Variants in AFF1 observed in about 807,000 individuals in gnomAD.
AFF1 encodes ALF transcription elongation factor 1.
In AFF1, 48 loss-of-function variants were observed where a neutral mutation model predicts 121.7. The ratio of observed to expected loss-of-function variants is 0.39; its 90% confidence interval spans 0.31 to 0.50. The LOEUF (loss-of-function observed/expected upper bound fraction) is 0.50, where lower values mean the gene tolerates loss of function less well. Ranked by LOEUF, AFF1 falls within the 20% of genes least tolerant of loss-of-function variation. The pLI is 0.76. For synonymous variants in AFF1, 613 were observed against 563.0 expected, an observed-to-expected ratio of 1.09 and a Z score of -1.26; for missense variants, 1,523 against 1,511.7, an observed-to-expected ratio of 1.01 and a Z score of -0.12.
At chr4:87,117,867 G>A (rs952499493) in intron 12 of AFF1, among the ~76,000 whole-genome samples, 11 of 151,988 alleles carry the variant, frequency 7.2e-5, no homozygotes, top group Admixed American at 4.6e-4. Context: ...CCTCATTAGC[G>A]CCCTGACTGC....
chr4:87,132,177 A>G, intron 18 of AFF1, 94 bp from the exon 19 acceptor site: 3 of 1,461,100 alleles, frequency 2.1e-6, no homozygotes, highest in Non-Finnish European at 2.8e-6. Flanking sequence ...AGGTGAGGCA[A>G]ACCCGGTGTG....
chr4:87,067,026 T>C (rs1164726662), intron 4 of AFF1, among the ~76,000 whole-genome samples: 1 of 152,220 alleles, frequency 6.6e-6, no homozygotes, highest in Non-Finnish European at 1.5e-5. Flanking sequence ...GATTGTACTA[T>C]ACAATTATTA....
At chr4:87,014,383 T>C (rs1052460737) in intron 2 of AFF1, among the ~76,000 whole-genome samples, 1 of 152,340 alleles carries the variant, frequency 6.6e-6, no homozygotes, top group East Asian at 1.9e-4. Flanking sequence ...GTCCAAACTT[T>C]GTGAAACCGA....
chr4:87,100,067 GC>G (rs1337348565), intron 8 of AFF1, among the ~76,000 whole-genome samples: 1 of 152,138 alleles, frequency 6.6e-6, no homozygotes, highest in Non-Finnish European at 1.5e-5. Flanking sequence ...GATTTGGGGA[GC>G]CCTTAAGGGT....
intron 18 of AFF1, 63 bp downstream of exon 18, chr4:87,131,927 AAGATTCTGAAATTTG>A (rs1728866998): frequency 8.1e-6 from 11 of 1,360,804 alleles, no homozygotes; most frequent in Non-Finnish European, 9.9e-6. Context: ...ATGTTACAAA[AAGATTCTGAAATTTG>A]TTTTCTTAAT....
At chr4:87,088,120 G>C (rs547976739) in intron 5 of AFF1, among the ~76,000 whole-genome samples, 2 of 152,266 alleles carry the variant, frequency 1.3e-5, no homozygotes, top group African/African-American at 4.8e-5. Context: ...TGAGGATTAG[G>C]GTTCAGATGA....
At chr4:87,001,953 C>T (rs13131858) in intron 2 of AFF1, among the ~76,000 whole-genome samples, 3 of 152,160 alleles carry the variant, frequency 2.0e-5, no homozygotes, top group African/African-American at 4.8e-5. Context: ...AGTAGCAGTT[C>T]TTAGGGGATT....
intron 4 of AFF1, among the ~76,000 whole-genome samples, chr4:87,071,409 G>C (rs1418814423): frequency 6.6e-6 from 1 of 152,178 alleles, no homozygotes; most frequent in Non-Finnish European, 1.5e-5. Flanking sequence ...TGCCAGCGCA[G>C]CCTGGTAGAC....
intron 16 of AFF1, among the ~76,000 whole-genome samples, chr4:87,128,298 CTT>C (rs772347917): frequency 2.0e-5 from 3 of 152,176 alleles, no homozygotes; most frequent in Non-Finnish European, 4.4e-5. Flanking sequence ...CATGAATTCT[CTT>C]TACCTATTGG....
chr4:87,050,100 G>A (rs914822782), intron 4 of AFF1, among the ~76,000 whole-genome samples: 4 of 152,154 alleles, frequency 2.6e-5, no homozygotes, highest in Admixed American at 6.5e-5. Context: ...GTGTAGAGAT[G>A]TAGGACCAAA....
intron 11 of AFF1, among the ~76,000 whole-genome samples, chr4:87,111,012 ATTTT>A (rs1281817683): frequency 3.4e-5 from 1 of 29,278 alleles, no homozygotes; most frequent in Non-Finnish European, 8.7e-5. Flanking sequence ...TTTTTTTTTT[ATTTT>A]TTTTTTTTTG....
chr4:87,075,535 G>A (rs531058836), intron 4 of AFF1, among the ~76,000 whole-genome samples: 1 of 152,048 alleles, frequency 6.6e-6, no homozygotes, highest in Non-Finnish European at 1.5e-5. Context: ...GGAAGCGTAC[G>A]TACATCCTTT....
intron 4 of AFF1, among the ~76,000 whole-genome samples, chr4:87,056,838 A>G (rs965336928): frequency 1.3e-5 from 2 of 152,208 alleles, no homozygotes. Context: ...TCACTTTATG[A>G]TGAAAACTAT....
intron 1 of AFF1, among the ~76,000 whole-genome samples, chr4:86,945,503 T>TC (rs1720796053): frequency 7.0e-6 from 1 of 142,746 alleles, no homozygotes; most frequent in South Asian, 2.3e-4. Context: ...CCCAATTTTT[T>TC]TTTTTTTTTT....
At chr4:87,098,046 A>G (rs2149730209) in intron 8 of AFF1, among the ~76,000 whole-genome samples, 1 of 152,308 alleles carries the variant, frequency 6.6e-6, no homozygotes, top group Admixed American at 6.5e-5. Context: ...ACTTTGATTT[A>G]AAAAACCAAT....
At chr4:86,999,599 T>G (rs930720716) in intron 2 of AFF1, among the ~76,000 whole-genome samples, 4 of 152,062 alleles carry the variant, frequency 2.6e-5, no homozygotes, top group Admixed American at 2.0e-4. Context: ...CAGAGAGAAG[T>G]TTAGGTTGGA....
At chr4:87,098,228 A>C (rs1465339741) in intron 8 of AFF1, among the ~76,000 whole-genome samples, 1 of 152,190 alleles carries the variant, frequency 6.6e-6, no homozygotes, top group Non-Finnish European at 1.5e-5. Flanking sequence ...AGAAGGATGT[A>C]GTTGTGAAAT....
chr4:87,047,087 T>G lies in AFF1; in HGVS notation c.552T>G (p.Gly184=). Residue 184 remains glycine, a synonymous_variant, in exon 4 of 21, where the codon GGT becomes GGG. Coordinates refer to ENST00000395146, the MANE Select transcript of AFF1 (RefSeq NM_001166693.3). ...EGFGSSHHKK[G]DRRADGDHCA... is the part of the protein sequence containing the mutation. ...TCGGCTCTAGTCATCACAAGAAAGG[T>G]GACCGAAGAGCTGACGGAGACCACT... is the stretch of plus-strand genomic sequence containing the variant. The G allele has an allele frequency of 6.2e-7, 1 of 1,613,956 alleles. No individual in the cohort carries two copies. The highest frequency in any genetic ancestry group is 8.5e-7 in the Non-Finnish European group (1 of 1,179,998).
At chr4:87,018,767 G>C (rs1189367951) in intron 2 of AFF1, among the ~76,000 whole-genome samples, 1 of 152,166 alleles carries the variant, frequency 6.6e-6, no homozygotes, top group East Asian at 1.9e-4. Flanking sequence ...TAACAACCTA[G>C]CTATGAACTT....
Sources: allele counts gnomAD v4.1 joint callset (sites outside exome capture counted in the v4.1 genomes callset), GRCh38; gene constraint gnomAD v4.1.1; transcripts MANE v1.5; gene names NCBI Gene and HGNC (gene_info 2026-07-23, HGNC 2026-07-21).